Variants in SNX6 observed in about 807,000 individuals in gnomAD.
SNX6 encodes the protein sorting nexin-6.
Under a neutral mutation model 63.0 loss-of-function variants are expected in SNX6, and 34 were observed. The ratio of observed to expected loss-of-function variants is 0.54; its 90% CI spans 0.41 to 0.72. The LOEUF (loss-of-function observed/expected upper bound fraction) is 0.72, where lower values mean the gene tolerates loss of function less well. Ranked by LOEUF, SNX6 falls within the 30% of genes least tolerant of loss-of-function variation. SNX6 has a pLI of 0.00. For synonymous variants in SNX6, 170 were observed against 164.2 expected (o/e 1.04, Z -0.27); for missense variants, 398 against 471.4 (o/e 0.84, Z 1.44).
intron 11 of SNX6, 63 bp downstream of exon 11, chr14:34,575,693 G>T: frequency 1.3e-6 from 1 of 777,800 alleles, no homozygotes; most frequent in Non-Finnish European, 2.1e-6. Context: ...ACAATCTGAA[G>T]TCTAACAAAC....
intron 2 of SNX6, among the ~76,000 whole-genome samples, chr14:34,610,309 C>G (rs1594741962): frequency 1.6e-5 from 2 of 128,508 alleles, no homozygotes; most frequent in South Asian, 2.5e-4. Context: ...AAGCAGTAAT[C>G]GTGCCACTGA....
At chr14:34,612,528 T>C (rs1234499763) in intron 2 of SNX6, among the ~76,000 whole-genome samples, 2 of 151,824 alleles carry the variant, frequency 1.3e-5, no homozygotes, top group Non-Finnish European at 2.9e-5. Flanking sequence ...CCGCCTCCCA[T>C]GTTCAAGTGA....
chr14:34,618,350 C>T (rs776090317), intron 2 of SNX6, among the ~76,000 whole-genome samples: 2 of 126,316 alleles, frequency 1.6e-5, no homozygotes, highest in Non-Finnish European at 3.0e-5. Flanking sequence ...TGCCATGTGG[C>T]CTCCTTTTTG....
At chr14:34,621,557 A>T (rs1883620455) in intron 2 of SNX6, among the ~76,000 whole-genome samples, 1 of 152,200 alleles carries the variant, frequency 6.6e-6, no homozygotes, top group Non-Finnish European at 1.5e-5. Context: ...GAAGAGACAC[A>T]ATCCTCAGCC....
intron 2 of SNX6, among the ~76,000 whole-genome samples, chr14:34,612,912 G>A (rs930060761): frequency 4.6e-5 from 7 of 152,010 alleles, no homozygotes; most frequent in East Asian, 3.9e-4. Flanking sequence ...AGCTGGGTGC[G>A]GTGGTGCATG....
chr14:34,600,672 G>A (rs1284519720), intron 6 of SNX6, among the ~76,000 whole-genome samples: 1 of 152,088 alleles, frequency 6.6e-6, no homozygotes, highest in Non-Finnish European at 1.5e-5. Context: ...TCCAAACACA[G>A]GTTCCAAGAT....
In SNX6 at chr14:34,609,673, C is replaced by T; in HGVS notation, c.124G>A (p.Glu42Lys). ...ACAGTGAATTTTACTTTATCCCGCT[C>T]ACTAAGAGCATCAGAAATGTCCACC... The part of the protein sequence containing the change: ...LQVDISDALS[E>K]RDKVKFTVHT... Residue 42 changes from glutamate to lysine, a missense_variant, in exon 3 of 14, where the codon GAG (glutamate) becomes AAG (lysine). Physicochemically the swap from Glu to Lys is moderately conservative, Grantham distance 56. Coordinates refer to ENST00000362031, the MANE Select transcript of SNX6 (RefSeq NM_152233.4). 1 of 1,612,648 alleles carries T rather than the reference C, an allele frequency of 6.2e-7. No individual in the cohort carries two copies. The highest frequency in any genetic ancestry group is 8.5e-7 in the Non-Finnish European group (1 of 1,178,984).
chr14:34,604,977 G>T (rs895235618), intron 5 of SNX6, among the ~76,000 whole-genome samples: 4 of 152,004 alleles, frequency 2.6e-5, no homozygotes, highest in African/African-American at 9.7e-5. Flanking sequence ...AAAGGGAAAA[G>T]AATACAGAAG....
intron 2 of SNX6, among the ~76,000 whole-genome samples, chr14:34,615,036 CAAGAT>C (rs1883366942): frequency 6.6e-6 from 1 of 151,978 alleles, no homozygotes; most frequent in Non-Finnish European, 1.5e-5. Flanking sequence ...TCTTCCAATT[CAAGAT>C]TATTCCAAGT....
At position 34,575,910 on chromosome 14, in the gene SNX6, TTTG is replaced by T. The variant is rs972176591; in HGVS notation, c.835-71_835-69del. On this transcript the variant is annotated intron_variant, in intron 10 of 13. Coordinates refer to ENST00000362031, the MANE Select transcript of SNX6 (RefSeq NM_152233.4). ...TTCTCCTCTCAGTGGTTTCCTTCTT[TTTG>T]TTGTTGTTGTTTTTTTGTTTTTTTT... 1.2e-4 allele frequency: 112 copies of T among 966,728 alleles called. No individual in the cohort carries two copies. The African/African-American group carries it at 1.3e-3, about 11-fold the overall frequency. The allele number at this position is 966,728 out of a possible 1,614,324, so 59.9% of individuals were successfully genotyped here.
intron 9 of SNX6, among the ~76,000 whole-genome samples, chr14:34,585,053 T>C (rs572678792): frequency 2.0e-5 from 3 of 152,028 alleles, no homozygotes; most frequent in Non-Finnish European, 2.9e-5. Context: ...GGTTTCTCCA[T>C]GTTGGTCAGG....
At chr14:34,591,932 T>A (rs1882409632) in intron 8 of SNX6, among the ~76,000 whole-genome samples, 1 of 152,216 alleles carries the variant, frequency 6.6e-6, no homozygotes, top group South Asian at 2.1e-4. Context: ...CTAAAATGCT[T>A]TTCTAGAGAA....
chr14:34,612,087 T>A (rs1883253434), intron 2 of SNX6, among the ~76,000 whole-genome samples: 1 of 152,068 alleles, frequency 6.6e-6, no homozygotes, highest in South Asian at 2.1e-4. Context: ...CCTCCTTTTT[T>A]TCTTTAATCA....
rs1337861622 is a variant in SNX6 at position 34,603,396 on chromosome 14, A to G, written c.468T>C (p.Ile156=). The G allele has an allele frequency of 6.2e-7, 1 of 1,610,798 alleles. No individual in the cohort carries two copies. Among genetic ancestry groups the G allele is most frequent in the African/African-American group, 1.3e-5 (1 of 74,790 alleles). The stretch of plus-strand genomic sequence containing the variant: ...CATGGAAATTTAAATCTCTTCTCAA[A>G]ATAGGATGTGCTGCCACACGACACA... The part of the protein sequence containing the change: ...VFLCRVAAHP[I]LRRDLNFHVF... The change falls in exon 6 of 14, where the codon ATT becomes ATC. Residue 156 remains isoleucine, a synonymous_variant. Coordinates refer to ENST00000362031, the MANE Select transcript of SNX6 (RefSeq NM_152233.4).
At chr14:34,608,647 C>G (rs1883109901) in intron 3 of SNX6, among the ~76,000 whole-genome samples, 1 of 152,080 alleles carries the variant, frequency 6.6e-6, no homozygotes, top group South Asian at 2.1e-4. Context: ...AAAGTTATGT[C>G]ATTAATATAT....
chr14:34,589,912 A>G, intron 8 of SNX6, among the ~76,000 whole-genome samples: 1 of 152,026 alleles, frequency 6.6e-6, no homozygotes, highest in East Asian at 1.9e-4. Flanking sequence ...GGAGTTCAAG[A>G]CCAACCCAAG....
chr14:34,569,045 T>C, intron 11 of SNX6: 2 of 1,392,418 alleles, frequency 1.4e-6, no homozygotes, highest in Non-Finnish European at 2.0e-6. Context: ...TCGGGGACTT[T>C]CAGCTTCCCA....
At chr14:34,610,872 G>C (rs1883201357) in intron 2 of SNX6, among the ~76,000 whole-genome samples, 1 of 152,244 alleles carries the variant, frequency 6.6e-6, no homozygotes, top group East Asian at 1.9e-4. Flanking sequence ...AGGACTTAGA[G>C]AATCTCACCT....
intron 5 of SNX6, among the ~76,000 whole-genome samples, 159 bp from the exon 6 acceptor site, chr14:34,603,630 T>C (rs1386162173): frequency 6.6e-6 from 1 of 152,200 alleles, no homozygotes; most frequent in African/African-American, 2.4e-5. Flanking sequence ...GAACTGTTAA[T>C]GAAATACATA....
Sources: gnomAD v4.1 joint callset for allele counts (sites outside exome capture counted in the v4.1 genomes callset) on GRCh38, gnomAD v4.1.1 for gene constraint, MANE v1.5 for transcripts, NCBI Gene and HGNC (gene_info 2026-07-23, HGNC 2026-07-21) for gene names.